Variants in CELF2 observed in about 807,000 individuals in gnomAD.
CELF2 encodes the protein CUGBP Elav-like family member 2, also known as CUG triplet repeat RNA-binding protein 2.
A neutral mutation model predicts 62.6 loss-of-function variants in CELF2; 8 were observed. The observed-to-expected ratio is 0.13, with a 90% CI of 0.07 to 0.23. CELF2 has a LOEUF of 0.23. CELF2 is among the 10% of genes least tolerant of loss of function. The pLI, the probability that CELF2 is intolerant of heterozygous loss-of-function variation, is 1.00. For synonymous variants in CELF2, 258 were observed against 250.0 expected (o/e 1.03, Z -0.30); for missense variants, 333 against 671.0 (o/e 0.50, Z 5.56).
At chr10:10,604,461 G>A in the CELF2 span, among the ~76,000 whole-genome samples, 14 of 152,298 alleles carry the variant, frequency 9.2e-5, no homozygotes, top group African/African-American at 2.2e-4. Flanking sequence ...GGTAGTAGTC[G>A]AAGTAATAAT....
Position 11,102,478 on chromosome 10 carries a change from A to T in CELF2, c.75-63008A>T, listed in dbSNP as rs150793511. Reference sequence around the variant, plus strand: ...GCTATTGAATCTTTTAGCAAGTTACATGGCTCTAAAATTGGACTTCTTTTC... The same window carrying T: ...GCTATTGAATCTTTTAGCAAGTTACTTGGCTCTAAAATTGGACTTCTTTTC... On this transcript the variant is annotated intron_variant, in intron 1 of 12. Transcript: ENST00000633077. 1.1e-3 allele frequency among the ~76,000 whole-genome samples: 165 copies of T among 152,368 alleles called. 2 individuals carry two copies. Among genetic ancestry groups the T allele is most frequent in the Non-Finnish European group, 1.5e-3 (101 of 68,036 alleles).
chr10:10,656,559 A>G, the CELF2 span, among the ~76,000 whole-genome samples: 3 of 135,282 alleles, frequency 2.2e-5, no homozygotes, highest in Non-Finnish European at 4.8e-5. Context: ...TGATGAGTTC[A>G]TGTCCTTTGT....
chr10:11,269,447 A>G lies in CELF2; in HGVS notation c.619-1219A>G, dbSNP rs1008394412. On this transcript the variant is annotated intron_variant, in intron 6 of 12. Transcript: ENST00000633077. The surrounding 1 kb of genome is among the most constrained non-coding windows in gnomAD (Gnocchi z 4.4). ...AATGCGTTTGTTTTCCAGAAAAGAG[A>G]AACATGACCCAAAGGGAATGGAACA... Among the ~76,000 whole-genome samples, 5 of 152,252 alleles carry G rather than the reference A, an allele frequency of 3.3e-5. No individual in the cohort carries two copies. Among genetic ancestry groups the G allele is most frequent in the African/African-American group, 1.2e-4 (5 of 41,468 alleles).
rs1353467651 is a variant in CELF2, at chr10:11,324,266, T to C, written c.1295-1570T>C. On this transcript the variant is annotated intron_variant, in intron 11 of 12. Coordinates refer to ENST00000633077, the MANE Select transcript of CELF2 (RefSeq NM_001326342.2). The surrounding 1 kb of genome is among the most constrained non-coding windows in gnomAD (Gnocchi z 4.7). The stretch of plus-strand genomic sequence containing the variant: ...AGTTCAAACTGGGGCCCAATAACTC[T>C]CATTTGTGCATTTGGATCTTTTGTG... Among the ~76,000 whole-genome samples the C allele has an allele frequency of 8.5e-5, 13 of 152,228 alleles. No homozygotes were observed. Among genetic ancestry groups the C allele is most frequent in the Admixed American group, 8.5e-4 (13 of 15,288 alleles).
chr10:10,898,452 A>G (rs905189810), intron 1 of CELF2, among the ~76,000 whole-genome samples: 1 of 152,228 alleles, frequency 6.6e-6, no homozygotes, highest in African/African-American at 2.4e-5. Flanking sequence ...ACCCAAATCA[A>G]AAGTAAGCTG....
At chr10:10,466,099 G>A in the CELF2 span, among the ~76,000 whole-genome samples, 2 of 152,044 alleles carry the variant, frequency 1.3e-5, no homozygotes, top group African/African-American at 4.8e-5. Context: ...ACCTTTTAAA[G>A]TACCGCTTGA....
In CELF2 at chr10:10,990,749, A is replaced by C. The variant is rs1295525473; in HGVS notation, c.89+70750A>C. 6.6e-6 allele frequency among the ~76,000 whole-genome samples: 1 copy of C among 152,214 alleles called. No homozygotes were observed. Among genetic ancestry groups the C allele is most frequent in the Non-Finnish European group, 1.5e-5 (1 of 68,024 alleles). ...AAAACAAGTCTTGTTTCTGCCTGAG[A>C]TAGCCAGGAAAGAGGATTCAATAAG... On this transcript the variant is annotated intron_variant, in intron 2 of 13. Transcript: ENST00000636488. The surrounding 1 kb of genome is among the most constrained non-coding windows in gnomAD (Gnocchi z 4.6).
At chr10:10,642,486 G>C in the CELF2 span, among the ~76,000 whole-genome samples, 2 of 152,200 alleles carry the variant, frequency 1.3e-5, no homozygotes, top group Non-Finnish European at 2.9e-5. Flanking sequence ...GAAAATTGAA[G>C]CAACTCCAGA....
chr10:10,935,903 A>G (rs1592134724), intron 2 of CELF2, among the ~76,000 whole-genome samples: 1 of 152,064 alleles, frequency 6.6e-6, no homozygotes, highest in South Asian at 2.1e-4. Context: ...TGAAATCCCA[A>G]CACTTTGGGA....
rs2095622053 is a variant in CELF2 at position 11,324,492 on chromosome 10, C to T, written c.1295-1344C>T. Among the ~76,000 whole-genome samples the T allele has an allele frequency of 6.6e-6, 1 of 152,202 alleles. No homozygotes were observed. Among genetic ancestry groups the T allele is most frequent in the African/African-American group, 2.4e-5 (1 of 41,454 alleles). ...TGCAATTGTGTCCCTTTAAAATAGA[C>T]TCCTTCCCATGCCCTAGAATACGGA... On this transcript the variant is annotated intron_variant, in intron 11 of 12. Coordinates refer to ENST00000633077, the MANE Select transcript of CELF2 (RefSeq NM_001326342.2). This position sits in a 1 kb window ranked among gnomAD's most constrained non-coding sequence, Gnocchi z 4.7.
chr10:10,529,233 T>C, the CELF2 span, among the ~76,000 whole-genome samples: 2 of 152,150 alleles, frequency 1.3e-5, no homozygotes, highest in Admixed American at 1.3e-4. Context: ...TGGATGGAGA[T>C]TCTGTCACTC....
At chr10:10,470,570 C>A in the CELF2 span, among the ~76,000 whole-genome samples, 2 of 151,814 alleles carry the variant, frequency 1.3e-5, no homozygotes, top group Non-Finnish European at 2.9e-5. Context: ...GACCTGTAGA[C>A]TTCCTCCTCA....
At chr10:10,963,520 T>C (rs1450697722) in intron 2 of CELF2, among the ~76,000 whole-genome samples, 1 of 152,196 alleles carries the variant, frequency 6.6e-6, no homozygotes, top group Admixed American at 6.5e-5. Context: ...ACAATCCACA[T>C]GCTCAAAACT....
At chr10:10,849,227 T>C (rs2059217525) in intron 1 of CELF2, among the ~76,000 whole-genome samples, 1 of 147,262 alleles carries the variant, frequency 6.8e-6, no homozygotes, top group East Asian at 2.0e-4. Flanking sequence ...TGAAACCCTA[T>C]CTCTACTAAA....
chr10:10,651,350 G>A, the CELF2 span, among the ~76,000 whole-genome samples: 21 of 149,018 alleles, frequency 1.4e-4, no homozygotes, highest in Admixed American at 5.3e-4. Flanking sequence ...GGGGAAGCTC[G>A]AACTGGGTGG....
chr10:10,508,869 T>G, the CELF2 span, among the ~76,000 whole-genome samples: 1 of 152,076 alleles, frequency 6.6e-6, no homozygotes, highest in South Asian at 2.1e-4. Flanking sequence ...AGAGACAGGG[T>G]TTCACTATCT....
chr10:11,016,035 G>C (rs2057211018), upstream of CELF2, among the ~76,000 whole-genome samples: 1 of 152,128 alleles, frequency 6.6e-6, no homozygotes, highest in South Asian at 2.1e-4. The surrounding 1 kb of genome is among the most constrained non-coding windows in gnomAD (Gnocchi z 5.2). Flanking sequence ...TGTTTTGGAG[G>C]CCAAGTCTGC....
At chr10:11,040,972 A>G (rs1391862581) in intron 1 of CELF2, among the ~76,000 whole-genome samples, 2 of 152,176 alleles carry the variant, frequency 1.3e-5, no homozygotes, top group African/African-American at 4.8e-5. Flanking sequence ...CTATAACTAA[A>G]TGCCATAGAC....
chr10:11,290,841 C>T lies in CELF2; in HGVS notation c.976+2289C>T, dbSNP rs1411196806. On this transcript the variant is annotated intron_variant, in intron 9 of 12. Transcript: ENST00000633077. This position sits in a 1 kb window ranked among gnomAD's most constrained non-coding sequence, Gnocchi z 4.3. Reference sequence around the variant, plus strand: ...ATAACTGAAAGTATTTTATTAGAATCCTAAAGTGTAGCAGCAGCAATGATT... The same window carrying T: ...ATAACTGAAAGTATTTTATTAGAATTCTAAAGTGTAGCAGCAGCAATGATT... Among the ~76,000 whole-genome samples, 1 of 152,110 alleles carries T rather than the reference C, an allele frequency of 6.6e-6. No homozygotes were observed. The highest frequency in any genetic ancestry group is 1.5e-5 in the Non-Finnish European group (1 of 68,018).
Sources: allele counts gnomAD v4.1 joint callset (sites outside exome capture counted in the v4.1 genomes callset), GRCh38; gene constraint gnomAD v4.1.1; non-coding constraint Gnocchi (gnomAD v3.1); transcripts MANE v1.5; gene names NCBI Gene and HGNC (gene_info 2026-07-23, HGNC 2026-07-21).